FBXO11: variants seen among roughly 807,000 people sequenced by gnomAD.
The protein encoded by FBXO11 is F-box only protein 11.
A neutral mutation model predicts 117.0 loss-of-function variants in FBXO11; 13 were observed. The observed-to-expected ratio is 0.11, with a 90% CI of 0.07 to 0.18. The LOEUF is 0.18. Among genes scored for constraint, FBXO11 ranks in the 10% least tolerant of loss-of-function variants. FBXO11 has a pLI of 1.00. For missense variants in FBXO11, 767 were observed against 1,164.4 expected, an observed-to-expected ratio of 0.66 and a Z score of 4.97; for synonymous variants, 490 against 380.5, an observed-to-expected ratio of 1.29 and a Z score of -3.35.
Position 47,900,689 on chromosome 2 carries a change from C to CACGT in FBXO11, c.232+4796_232+4799dup, listed in dbSNP as rs1553362195. 1.7e-4 allele frequency among the ~76,000 whole-genome samples: 21 copies of CACGT among 122,942 alleles called. 1 individual carries two copies. The highest frequency in any genetic ancestry group is 2.6e-4 in the African/African-American group (7 of 27,062). 80.7% of individuals were successfully genotyped at this position (122,942 alleles called of 152,430 possible). A position where few individuals can be genotyped will look rare whatever the true frequency, so the allele number is the denominator to read the frequency against. On this transcript the variant is annotated intron_variant, in intron 1 of 22. Transcript: ENST00000403359. The stretch of plus-strand genomic sequence containing the variant: ...GTACGTATATACACACGTATACACA[C>CACGT]ACGTATACACACACGTGTATATATA...
At chr2:47,867,990 G>C (rs930172912) in intron 1 of FBXO11, among the ~76,000 whole-genome samples, 9 of 152,120 alleles carry the variant, frequency 5.9e-5, no homozygotes, top group African/African-American at 2.2e-4. Flanking sequence ...AATGCCTGAA[G>C]ATCACAGGTA....
At chr2:47,842,779 T>TA (rs34363506) in intron 1 of FBXO11, among the ~76,000 whole-genome samples, 3,545 of 134,032 alleles carry the variant, frequency 0.026, 60 homozygotes, top group Non-Finnish European at 0.032. Context: ...AATTTTTCTT[T>TA]AAAAAAAAAA....
At chr2:47,905,462 G>A (rs1215206379) in intron 1 of FBXO11, 27 bp downstream of exon 1, 13 of 1,216,024 alleles carry the variant, frequency 1.1e-5, no homozygotes, top group South Asian at 3.5e-5. Flanking sequence ...CGGGAAGGCG[G>A]GCGGTTGGGA....
At chr2:47,853,360 G>C (rs368807966) in intron 1 of FBXO11, among the ~76,000 whole-genome samples, 1 of 152,004 alleles carries the variant, frequency 6.6e-6, no homozygotes, top group Non-Finnish European at 1.5e-5. Context: ...ATGAGCCACC[G>C]TGCCTGGCCC....
chr2:47,868,536 G>A (rs1270340645), intron 1 of FBXO11, among the ~76,000 whole-genome samples: 2 of 152,052 alleles, frequency 1.3e-5, no homozygotes, highest in East Asian at 1.9e-4. Context: ...CCTAATATTT[G>A]AGAGTTGGAC....
At chr2:47,899,460 T>G (rs1042566340) in intron 1 of FBXO11, among the ~76,000 whole-genome samples, 2 of 152,160 alleles carry the variant, frequency 1.3e-5, no homozygotes, top group African/African-American at 4.8e-5. Context: ...CTAGGAACTT[T>G]ACTATCTCTC....
At chr2:47,859,041 CAAAAAAAAAA>C (rs11337552) in intron 1 of FBXO11, among the ~76,000 whole-genome samples, 2 of 103,180 alleles carry the variant, frequency 1.9e-5, no homozygotes, top group Non-Finnish European at 4.0e-5. Context: ...ACTCTGTCTC[CAAAAAAAAAA>C]AAAAAAAGAA....
At chr2:47,894,732 G>C (rs2104004066) in intron 1 of FBXO11, among the ~76,000 whole-genome samples, 1 of 152,260 alleles carries the variant, frequency 6.6e-6, no homozygotes, top group Non-Finnish European at 1.5e-5. Flanking sequence ...ACTATTAAAT[G>C]TTTGTGTGTC....
intron 11 of FBXO11, 118 bp from the exon 12 acceptor site, chr2:47,823,478 G>A: frequency 3.6e-6 from 3 of 822,908 alleles, no homozygotes; most frequent in Non-Finnish European, 5.5e-6. Flanking sequence ...TTTAAGGCTG[G>A]GCGTGGTGAC....
At chr2:47,877,101 A>G (rs1194610290) in intron 1 of FBXO11, among the ~76,000 whole-genome samples, 1 of 151,328 alleles carries the variant, frequency 6.6e-6, no homozygotes, top group Non-Finnish European at 1.5e-5. Context: ...ATCATGGCTC[A>G]CTGCAGCCTC....
intron 1 of FBXO11, 23 bp from the exon 2 acceptor site, chr2:47,839,792 G>C: frequency 6.3e-7 from 1 of 1,589,106 alleles, no homozygotes; most frequent in South Asian, 1.2e-5. Context: ...AAAGCAATAA[G>C]AAAAATTATA....
chr2:47,884,659 C>T (rs1280870507), intron 1 of FBXO11, among the ~76,000 whole-genome samples: 1 of 152,182 alleles, frequency 6.6e-6, no homozygotes, highest in African/African-American at 2.4e-5. Context: ...TGCTGAAACT[C>T]ACAGCACCAT....
chr2:47,905,616 C>T lies in FBXO11; in HGVS notation c.105G>A (p.Pro35=), dbSNP rs1373677826. 1.5e-6 allele frequency: 2 copies of T among 1,367,944 alleles called. No homozygotes were observed. The highest frequency in any genetic ancestry group is 9.4e-7 in the Non-Finnish European group (1 of 1,058,442). The allele number at this position is 1,367,944 out of a possible 1,614,324, so 84.7% of individuals were successfully genotyped here. The change falls in exon 1 of 23, where the codon CCG becomes CCA. Residue 35 remains proline, a synonymous_variant. Transcript: ENST00000403359. ...GCTGCTGGGGCGGCTGCTGCTGGGG[C>T]GGCTGCGGCGGCGGCTGCTGCGGGG... The part of the protein sequence containing the change: ...QQPPQQPPPQ[P]PQQQPPQQQP...
chr2:47,895,067 C>A (rs1042781051), intron 1 of FBXO11, among the ~76,000 whole-genome samples: 26 of 152,026 alleles, frequency 1.7e-4, no homozygotes, highest in East Asian at 9.7e-4. Flanking sequence ...CCATTTCTTG[C>A]AAAGTAAATG....
In FBXO11 at chr2:47,824,101, G is replaced by A. The variant is rs550683308; in HGVS notation, c.1399-741C>T. ...AGGAAAAACAGCAAAACATCTATTCGATAAATGTAGACGAATACCATTAAC... is the reference window on the plus strand; with the variant it reads ...AGGAAAAACAGCAAAACATCTATTCAATAAATGTAGACGAATACCATTAAC... On this transcript the variant is annotated intron_variant, in intron 11 of 22. Transcript: ENST00000403359. 5.9e-5 allele frequency among the ~76,000 whole-genome samples: 9 copies of A among 152,264 alleles called. No homozygotes were observed. The South Asian group carries it at 1.2e-3, about 21-fold the overall frequency.
rs973675218 is a variant in FBXO11 at position 47,808,029 on chromosome 2, A to T, written c.*89T>A. ...CATTTTTAATACAGTCTCTTCCTGTAGCATGGGCAAATATTTTAAATCTTC... is the reference window on the plus strand; with the variant it reads ...CATTTTTAATACAGTCTCTTCCTGTTGCATGGGCAAATATTTTAAATCTTC... On this transcript the variant is annotated 3_prime_UTR_variant, in exon 23 of 23. Coordinates refer to ENST00000403359, the MANE Select transcript of FBXO11 (RefSeq NM_001190274.2). 8 of 1,197,876 alleles carry T rather than the reference A, an allele frequency of 6.7e-6. No individual in the cohort carries two copies. In the Admixed American group the frequency reaches 1.6e-4, roughly 24 times the overall value. The allele number at this position is 1,197,876 out of a possible 1,614,324, so 74.2% of individuals were successfully genotyped here. A position where few individuals can be genotyped will look rare whatever the true frequency, so the allele number is the denominator to read the frequency against.
At chr2:47,822,333 G>GA in intron 12 of FBXO11, 30 bp from the exon 13 acceptor site, 1 of 1,425,216 alleles carries the variant, frequency 7.0e-7, no homozygotes, top group Non-Finnish European at 9.7e-7. Context: ...AAAAAAAGAA[G>GA]ACATCTATTC....
At position 47,833,056 on chromosome 2, in the gene FBXO11, C is replaced by T. The variant is rs1168901876; in HGVS notation, c.949G>A (p.Ala317Thr). The T allele has an allele frequency of 6.2e-7, 1 of 1,611,706 alleles. No individual in the cohort carries two copies. The highest frequency in any genetic ancestry group is 1.1e-5 in the South Asian group (1 of 91,016). ...GTGTTTTCAATTATAACTTTGTCTG[C>T]CACTTTCCCAGGTGCTGTGGAGAAG... ...TMIGAAPGKVADKVIIENTRD... is the reference protein window; with the variant it reads ...TMIGAAPGKVTDKVIIENTRD... Residue 317 changes from alanine (A) to threonine (T), a missense_variant, in exon 8 of 23, where the codon GCA (alanine) becomes ACA (threonine). Coordinates refer to ENST00000403359, the MANE Select transcript of FBXO11 (RefSeq NM_001190274.2).
intron 14 of FBXO11, 81 bp downstream of exon 14, chr2:47,820,281 T>G: frequency 1.0e-6 from 1 of 995,506 alleles, no homozygotes; most frequent in South Asian, 1.7e-5. Flanking sequence ...GAATATGGCC[T>G]ACCTAAAAGC....
Sources: allele counts gnomAD v4.1 joint callset (sites outside exome capture counted in the v4.1 genomes callset), GRCh38; gene constraint gnomAD v4.1.1; transcripts MANE v1.5; gene names NCBI Gene and HGNC (gene_info 2026-07-23, HGNC 2026-07-21).